Variants in PERP observed in about 807,000 individuals in gnomAD.
PERP encodes the protein p53 apoptosis effector related to PMP-22.
PERP carries 11 observed loss-of-function variants against 20.3 expected under a neutral mutation model. The observed-to-expected ratio is 0.54, with a 90% CI of 0.34 to 0.90. The LOEUF (loss-of-function observed/expected upper bound fraction) is 0.90, where lower values mean the gene tolerates loss of function less well. Ranked by LOEUF, PERP falls within the 40% of genes least tolerant of loss-of-function variation. PERP has a pLI of 0.02. For synonymous variants in PERP, 101 were observed against 102.0 expected (o/e 0.99, Z 0.06); for missense variants, 224 against 249.4 (o/e 0.90, Z 0.69).
At position 138,089,827 on chromosome 6, in the gene PERP, T is replaced by C. The variant is rs1190797080; in HGVS notation, c.*2215A>G. The C allele has an allele frequency of 6.6e-6, 1 of 152,158 alleles. No individual in the cohort carries two copies. Among genetic ancestry groups the C allele is most frequent in the Non-Finnish European group, 1.5e-5 (1 of 68,036 alleles). The allele number at this position is 152,158 out of a possible 1,614,324, so 9.4% of individuals were successfully genotyped here. The stretch of plus-strand genomic sequence containing the variant: ...TCATAAATACTTTAGGTTGACATGG[T>C]TCTATTATATCAGGCTCGTTGGTCC... On this transcript the variant is annotated 3_prime_UTR_variant, in exon 3 of 3. Transcript: ENST00000421351.
chr6:138,106,988 C>T, intron 1 of PERP, 139 bp downstream of exon 1: 1 of 743,402 alleles, frequency 1.3e-6, no homozygotes, highest in Non-Finnish European at 2.0e-6. Flanking sequence ...TGCATGAGCC[C>T]GAGCTCGTCC....
rs1775543991 is a variant in PERP at position 138,089,384 on chromosome 6, G to A, written c.*2658C>T. ...TGTGAGTTCTGCAGTCTATGGTTTT[G>A]AAGCTAAGTTATTACACACAAGCTA... On this transcript the variant is annotated 3_prime_UTR_variant, in exon 3 of 3. Transcript: ENST00000421351. 1 of 152,106 alleles carries A rather than the reference G, an allele frequency of 6.6e-6. No homozygotes were observed. Among genetic ancestry groups the A allele is most frequent in the African/African-American group, 2.4e-5 (1 of 41,414 alleles). The allele number at this position is 152,106 out of a possible 1,614,324, so 9.4% of individuals were successfully genotyped here. A position where few individuals can be genotyped will look rare whatever the true frequency, so the allele number is the denominator to read the frequency against.
At chr6:138,098,487 C>T (rs1320896630) in intron 1 of PERP, among the ~76,000 whole-genome samples, 1 of 152,218 alleles carries the variant, frequency 6.6e-6, no homozygotes, top group East Asian at 1.9e-4. Context: ...AACTCCCCAG[C>T]CCTCACTACT....
intron 1 of PERP, among the ~76,000 whole-genome samples, chr6:138,097,482 T>A (rs934897222): frequency 5.3e-5 from 8 of 152,194 alleles, no homozygotes; most frequent in African/African-American, 1.7e-4. Context: ...TTATATATAT[T>A]TTTTAATTTC....
rs1287124374 is a variant in PERP, at chr6:138,107,148, AGCCCTCCTCGTAGGACCCGCTGCC to A, written c.169_192del (p.Gly57_Gly64del). On this transcript the variant is annotated inframe_deletion, in exon 1 of 3. Coordinates refer to ENST00000421351, the MANE Select transcript of PERP (RefSeq NM_022121.5). The surrounding 1 kb of genome is among the most constrained non-coding windows in gnomAD (Gnocchi z 4.8). ...TCACCGTACTCCATGAGGCTCTGAC[AGCCCTCCTCGTAGGACCCGCTGCC>A]GCCGCCCTCTTGGGAGCATTTCCAC... The A allele has an allele frequency of 6.2e-7, 1 of 1,609,992 alleles. No homozygotes were observed. The highest frequency in any genetic ancestry group is 8.5e-7 in the Non-Finnish European group (1 of 1,178,758).
At chr6:138,096,776 C>T (rs189990367) in intron 1 of PERP, among the ~76,000 whole-genome samples, 31 of 152,280 alleles carry the variant, frequency 2.0e-4, no homozygotes, top group African/African-American at 7.2e-4. Flanking sequence ...CTTCATTAAT[C>T]TGTTTCTCGT....
At chr6:138,096,112 G>A (rs1419291329) in intron 2 of PERP, among the ~76,000 whole-genome samples, 1 of 152,086 alleles carries the variant, frequency 6.6e-6, no homozygotes, top group Non-Finnish European at 1.5e-5. Context: ...GAGAGATAGG[G>A]GCATGTAGAG....
In PERP at chr6:138,091,882, C is replaced by T; in HGVS notation, c.*160G>A. On this transcript the variant is annotated 3_prime_UTR_variant, in exon 3 of 3. Coordinates refer to ENST00000421351, the MANE Select transcript of PERP (RefSeq NM_022121.5). ...AAAAGATAAACATGAAACTATAACA[C>T]TACTTAAAAAATATTTTCTCCCAAA... 2 of 619,552 alleles carry T rather than the reference C, an allele frequency of 3.2e-6. No homozygotes were observed. Among genetic ancestry groups the T allele is most frequent in the Non-Finnish European group, 2.8e-6 (1 of 361,174 alleles). The allele number at this position is 619,552 out of a possible 1,614,324, so 38.4% of individuals were successfully genotyped here. A position where few individuals can be genotyped will look rare whatever the true frequency, so the allele number is the denominator to read the frequency against.
At chr6:138,092,877 G>T (rs568611904) in intron 2 of PERP, among the ~76,000 whole-genome samples, 1 of 152,100 alleles carries the variant, frequency 6.6e-6, no homozygotes, top group Non-Finnish European at 1.5e-5. Flanking sequence ...GGAAACAGAC[G>T]TGGAGGGAGG....
chr6:138,101,360 ACT>A (rs1448290434), intron 1 of PERP, among the ~76,000 whole-genome samples: 4 of 152,118 alleles, frequency 2.6e-5, no homozygotes, highest in African/African-American at 4.8e-5. Context: ...ACAGAGGGAG[ACT>A]CTGTCTCAAA....
At chr6:138,105,570 T>C (rs1417542697) in intron 1 of PERP, among the ~76,000 whole-genome samples, 1 of 152,224 alleles carries the variant, frequency 6.6e-6, no homozygotes, top group African/African-American at 2.4e-5. Flanking sequence ...GGTCAAATCA[T>C]GTCCCGTCAG....
chr6:138,096,493 C>A lies in PERP; in HGVS notation c.216G>T (p.Ala72=), dbSNP rs754247576. Residue 72 remains alanine, a splice_region_variant and synonymous_variant, in exon 2 of 3, where the codon GCG becomes GCT. Transcript: ENST00000421351. Reference sequence around the variant, plus strand: ...GCATGGCAGCCGCTGCTCTACCCCACGCTGCAAGAAAAAAAGAAACAGCAA... The same window carrying A: ...GCATGGCAGCCGCTGCTCTACCCCAAGCTGCAAGAAAAAAAGAAACAGCAA... ...EEGCQSLMEY[A]WGRAAAAMLF... The A allele has an allele frequency of 4.1e-5, 65 of 1,604,178 alleles. No homozygotes were observed. In the East Asian group the frequency reaches 1.4e-3, roughly 34 times the overall value.
intron 1 of PERP, among the ~76,000 whole-genome samples, chr6:138,099,014 T>C (rs1459306320): frequency 4.6e-5 from 7 of 152,236 alleles, no homozygotes; most frequent in Non-Finnish European, 1.0e-4. Context: ...TCAAGTAAGA[T>C]AACTTTTAAG....
intron 1 of PERP, among the ~76,000 whole-genome samples, chr6:138,097,908 T>A (rs934824251): frequency 1.1e-4 from 17 of 152,108 alleles, no homozygotes; most frequent in African/African-American, 4.1e-4. Flanking sequence ...CTCCATCCCC[T>A]CTTCCTCCAG....
At chr6:138,097,351 A>C (rs945601239) in intron 1 of PERP, among the ~76,000 whole-genome samples, 1 of 152,220 alleles carries the variant, frequency 6.6e-6, no homozygotes, top group African/African-American at 2.4e-5. Context: ...ACCTGCCCTC[A>C]TTGCTAAAAC....
chr6:138,096,784 C>T (rs550898376), intron 1 of PERP, among the ~76,000 whole-genome samples: 15 of 152,214 alleles, frequency 9.9e-5, no homozygotes, highest in Admixed American at 5.2e-4. Flanking sequence ...ATCTGTTTCT[C>T]GTGTGATAAG....
chr6:138,102,047 A>C (rs1775782401), intron 1 of PERP, among the ~76,000 whole-genome samples: 2 of 152,158 alleles, frequency 1.3e-5, no homozygotes, highest in South Asian at 4.1e-4. Context: ...AAAATACATA[A>C]AAAGACACCA....
At chr6:138,102,591 T>A (rs1376293417) in intron 1 of PERP, among the ~76,000 whole-genome samples, 1 of 152,112 alleles carries the variant, frequency 6.6e-6, no homozygotes, top group African/African-American at 2.4e-5. Flanking sequence ...AAACACGAGT[T>A]AGGGGACACT....
In PERP at chr6:138,090,151, A is replaced by AATC. The variant is rs1209266110; in HGVS notation, c.*1888_*1890dup. The stretch of plus-strand genomic sequence containing the variant: ...GGGTTTTTCTTTTCAATTTTGGTAT[A>AATC]ATCACCCAGATTACATTTCTCTATG... On this transcript the variant is annotated 3_prime_UTR_variant, in exon 3 of 3. Transcript: ENST00000421351. 1.2e-4 allele frequency: 18 copies of AATC among 152,184 alleles called. No individual in the cohort carries two copies. The South Asian group carries it at 3.3e-3, about 28-fold the overall frequency. 9.4% of individuals were successfully genotyped at this position (152,184 alleles called of 1,614,324 possible).
Sources: allele counts gnomAD v4.1 joint callset (sites outside exome capture counted in the v4.1 genomes callset), GRCh38; gene constraint gnomAD v4.1.1; non-coding constraint Gnocchi (gnomAD v3.1); transcripts MANE v1.5; gene names NCBI Gene and HGNC (gene_info 2026-07-23, HGNC 2026-07-21).